The following ANO10 variants were observed in gnomAD, a reference collection of about 807,000 sequenced individuals.
The protein encoded by ANO10 is anoctamin-10.
Under a neutral mutation model 74.7 loss-of-function variants are expected in ANO10, and 77 were observed. The observed-to-expected ratio is 1.03, with a 90% CI of 0.86 to 1.25. The LOEUF is 1.25. ANO10 is among the 50% of genes most tolerant of loss of function. The pLI is 0.00. For synonymous variants in ANO10, 279 were observed against 284.9 expected (o/e 0.98, Z 0.21); for missense variants, 721 against 778.1 (o/e 0.93, Z 0.87).
chr3:43,656,213 T>G (rs1199798975), intron 1 of ANO10, among the ~76,000 whole-genome samples: 2 of 151,892 alleles, frequency 1.3e-5, no homozygotes, highest in African/African-American at 4.8e-5. Flanking sequence ...ATTGGTGCAT[T>G]CACAAACCCT....
At chr3:43,489,399 G>T (rs377129795) in intron 11 of ANO10, among the ~76,000 whole-genome samples, 1 of 152,044 alleles carries the variant, frequency 6.6e-6, no homozygotes, top group Admixed American at 6.6e-5. Context: ...ATAACCTTAA[G>T]GTGGTATATA....
At chr3:43,529,016 A>T (rs977087284) in intron 11 of ANO10, among the ~76,000 whole-genome samples, 1 of 152,304 alleles carries the variant, frequency 6.6e-6, no homozygotes, top group East Asian at 1.9e-4. Context: ...ATGTTCCAGA[A>T]ACAAAAGAAA....
chr3:43,436,402 G>A (rs1377781128), intron 11 of ANO10, among the ~76,000 whole-genome samples: 3 of 152,104 alleles, frequency 2.0e-5, no homozygotes, highest in Non-Finnish European at 2.9e-5. Context: ...CCAGAATTGT[G>A]ATTCTTCATC....
At chr3:43,576,077 C>A (rs2080980126) in intron 6 of ANO10, among the ~76,000 whole-genome samples, 1 of 152,230 alleles carries the variant, frequency 6.6e-6, no homozygotes. Flanking sequence ...TAACCAAGTT[C>A]CTTTTTTACC....
intron 11 of ANO10, among the ~76,000 whole-genome samples, chr3:43,525,697 TA>T (rs1281573254): frequency 6.6e-6 from 1 of 152,228 alleles, no homozygotes; most frequent in Admixed American, 6.5e-5. Context: ...TTCCTCTTTC[TA>T]AGTTCCTAAA....
At chr3:43,690,822 A>C in intron 1 of ANO10, 2 of 538,678 alleles carry the variant, frequency 3.7e-6, no homozygotes, top group Non-Finnish European at 5.9e-6. Context: ...GCAAAGCCGG[A>C]GGCAAGGCCG....
chr3:43,660,149 G>C (rs991227741), intron 1 of ANO10, among the ~76,000 whole-genome samples: 1 of 151,934 alleles, frequency 6.6e-6, no homozygotes, highest in African/African-American at 2.4e-5. Context: ...AGAAACCAGA[G>C]CAGAAAGGCT....
chr3:43,464,029 G>C (rs1010345824), intron 11 of ANO10, among the ~76,000 whole-genome samples: 4 of 152,166 alleles, frequency 2.6e-5, no homozygotes, highest in Non-Finnish European at 4.4e-5. Context: ...ATCTATGTAA[G>C]ACATGACTTG....
At chr3:43,648,966 G>A (rs1170160404) in intron 1 of ANO10, among the ~76,000 whole-genome samples, 5 of 152,226 alleles carry the variant, frequency 3.3e-5, no homozygotes, top group South Asian at 2.1e-4. Context: ...CGTGAGCCAC[G>A]GCGCCCAGCC....
intron 7 of ANO10, among the ~76,000 whole-genome samples, chr3:43,566,127 C>A (rs571241765): frequency 9.1e-4 from 139 of 152,206 alleles, no homozygotes; most frequent in African/African-American, 3.2e-3. Context: ...GCTTTTCCGA[C>A]GGGCTTAAAA....
chr3:43,583,832 A>G (rs1233209312), intron 4 of ANO10, among the ~76,000 whole-genome samples: 1 of 152,232 alleles, frequency 6.6e-6, no homozygotes, highest in Non-Finnish European at 1.5e-5. Flanking sequence ...ATCTTTCTTA[A>G]AGAAAATGCT....
intron 9 of ANO10, 27 bp from the exon 10 acceptor site, chr3:43,555,496 T>C: frequency 6.2e-7 from 1 of 1,604,636 alleles, no homozygotes; most frequent in East Asian, 2.2e-5. Context: ...GCATGCATTA[T>C]TTTAATATCA....
In ANO10 at chr3:43,565,776, G is replaced by A. The variant is rs751592769; in HGVS notation, c.1219-49C>T. Reference sequence around the variant, plus strand: ...GATAAGTGTTAAGCACTGCTTTAGAGTACTTTACTACAACTGTAATGCAGC... The same window carrying A: ...GATAAGTGTTAAGCACTGCTTTAGAATACTTTACTACAACTGTAATGCAGC... On this transcript the variant is annotated intron_variant, in intron 7 of 12. Transcript: ENST00000292246. 4 of 1,522,150 alleles carry A rather than the reference G, an allele frequency of 2.6e-6. No individual in the cohort carries two copies. The South Asian group carries it at 4.9e-5, about 19-fold the overall frequency. The allele number at this position is 1,522,150 out of a possible 1,614,324, so 94.3% of individuals were successfully genotyped here. A position where few individuals can be genotyped will look rare whatever the true frequency, so the allele number is the denominator to read the frequency against.
rs546003411 is a variant in ANO10 at position 43,598,203 on chromosome 3, C to T, written c.472+329G>A. On this transcript the variant is annotated intron_variant, in intron 4 of 12. Transcript: ENST00000292246. ...GCTCCAGGAAAACACCATGTCTTCC[C>T]TTTTATATTCCTCCACAGATTTTCA... is the stretch of plus-strand genomic sequence containing the variant. Among the ~76,000 whole-genome samples the T allele has an allele frequency of 7.2e-5, 11 of 152,170 alleles. No homozygotes were observed. The South Asian group carries it at 1.9e-3, about 26-fold the overall frequency.
At chr3:43,500,276 A>C (rs1409897063) in intron 11 of ANO10, among the ~76,000 whole-genome samples, 1 of 152,214 alleles carries the variant, frequency 6.6e-6, no homozygotes, top group African/African-American at 2.4e-5. Flanking sequence ...TGGGTGATGC[A>C]GCAGTCCTTA....
chr3:43,682,283 C>T (rs1214068815), intron 1 of ANO10, among the ~76,000 whole-genome samples: 1 of 152,200 alleles, frequency 6.6e-6, no homozygotes, highest in Non-Finnish European at 1.5e-5. Context: ...AAACAACCAT[C>T]AGAGAATAAT....
At chr3:43,640,508 A>G (rs1248499941) in intron 1 of ANO10, among the ~76,000 whole-genome samples, 1 of 152,184 alleles carries the variant, frequency 6.6e-6, no homozygotes, top group African/African-American at 2.4e-5. Flanking sequence ...TTGCACAGGA[A>G]TCATGCAAAC....
intron 12 of ANO10, among the ~76,000 whole-genome samples, chr3:43,390,744 G>A (rs1388516978): frequency 1.3e-5 from 2 of 152,148 alleles, no homozygotes; most frequent in African/African-American, 2.4e-5. Context: ...TCTGCCCTTG[G>A]CTTCAAAATT....
chr3:43,374,201 C>T (rs2091719609), intron 12 of ANO10, among the ~76,000 whole-genome samples: 1 of 152,180 alleles, frequency 6.6e-6, no homozygotes, highest in African/African-American at 2.4e-5. Context: ...CTCCCCATTT[C>T]CTGCATTTCT....
Sources: allele counts gnomAD v4.1 joint callset (sites outside exome capture counted in the v4.1 genomes callset), GRCh38; gene constraint gnomAD v4.1.1; transcripts MANE v1.5; gene names NCBI Gene and HGNC (gene_info 2026-07-23, HGNC 2026-07-21).